The following TECRL variants were observed in gnomAD, a reference collection of about 807,000 sequenced individuals.
The protein encoded by TECRL is trans-2,3-enoyl-CoA reductase like, also known as trans-2,3-enoyl-CoA reductase-like.
Under a neutral mutation model 52.8 loss-of-function variants are expected in TECRL, and 63 were observed. The ratio of observed to expected loss-of-function variants is 1.19; its 90% CI spans 0.97 to 1.47. The LOEUF (loss-of-function observed/expected upper bound fraction) is 1.47. Among genes scored for constraint, TECRL ranks in the 40% most tolerant of loss-of-function variants. The pLI is 0.00. For synonymous variants in TECRL, 164 were observed against 141.9 expected (o/e 1.16, Z -1.10); for missense variants, 482 against 429.6 (o/e 1.12, Z -1.08).
At position 64,375,188 on chromosome 4, in the gene TECRL, T is replaced by C. The variant is rs1392150189; in HGVS notation, c.270A>G (p.Gln90=). 1 of 1,399,720 alleles carries C rather than the reference T, an allele frequency of 7.1e-7. No homozygotes were observed. The highest frequency in any genetic ancestry group is 1.5e-5 in the African/African-American group (1 of 65,348). 86.7% of individuals were successfully genotyped at this position (1,399,720 alleles called of 1,614,324 possible). Residue 90 remains glutamine, a synonymous_variant, in exon 2 of 12, where the codon CAA becomes CAG. Coordinates refer to ENST00000381210, the MANE Select transcript of TECRL (RefSeq NM_001010874.5). ...TQSSTIHDVK[Q]KFHKACPKWY... ...AAAACTTACATGCTTTGTGAAACTT[T>C]TGCTTAACATCATGAATAGTAGATG...
At chr4:64,302,933 A>G (rs775230631) in intron 7 of TECRL, among the ~76,000 whole-genome samples, 13 of 151,294 alleles carry the variant, frequency 8.6e-5, no homozygotes, top group Non-Finnish European at 1.3e-4. Context: ...CTGTTAAAAT[A>G]ATTTAGGAAG....
At position 64,409,242 on chromosome 4, in the gene TECRL, G is replaced by A. The variant is rs1461388254; in HGVS notation, c.110C>T (p.Ser37Leu). 1.3e-6 allele frequency: 2 copies of A among 1,533,400 alleles called. No individual in the cohort carries two copies. The highest frequency in any genetic ancestry group is 2.6e-5 in the East Asian group (1 of 39,010). 95.0% of individuals were successfully genotyped at this position (1,533,400 alleles called of 1,614,324 possible). A position where few individuals can be genotyped will look rare whatever the true frequency, so the allele number is the denominator to read the frequency against. Reference protein sequence around the residue: ...KDDMRNFHFLSKLVLSAGPLR... With the variant: ...KDDMRNFHFLLKLVLSAGPLR... ...AGGGCCCGCTGAGAGTACAAGTTTT[G>A]ACAAAAAGTGAAAATTTCTCATATC... is the stretch of plus-strand genomic sequence containing the variant. The change falls in exon 1 of 12, where the codon TCA (serine) becomes TTA (leucine). Residue 37 changes from serine to leucine, a missense_variant. By Grantham distance (145) the Ser-to-Leu change is moderately radical. Transcript: ENST00000381210.
intron 2 of TECRL, among the ~76,000 whole-genome samples, chr4:64,333,669 A>G (rs562323089): frequency 6.6e-6 from 1 of 152,272 alleles, no homozygotes; most frequent in African/African-American, 2.4e-5. Context: ...AAACAAAATT[A>G]AGGAATAGGA....
intron 2 of TECRL, among the ~76,000 whole-genome samples, chr4:64,340,441 C>G (rs1719481497): frequency 6.6e-6 from 1 of 152,202 alleles, no homozygotes; most frequent in Non-Finnish European, 1.5e-5. Context: ...GCTCTCAGTG[C>G]CCACTCCAAT....
At chr4:64,348,510 C>T (rs77333981) in intron 2 of TECRL, among the ~76,000 whole-genome samples, 51 of 152,236 alleles carry the variant, frequency 3.4e-4, no homozygotes, top group African/African-American at 1.2e-3. Flanking sequence ...GTTATTTCAC[C>T]CTTTATTTTT....
intron 1 of TECRL, chr4:64,397,927 A>G (rs961566353): frequency 2.2e-5 from 3 of 138,168 alleles, no homozygotes; most frequent in African/African-American, 7.8e-5. Context: ...TGTATTTCTG[A>G]TAGTTTCAAG....
At chr4:64,366,961 T>C (rs1721640839) in intron 2 of TECRL, among the ~76,000 whole-genome samples, 1 of 152,050 alleles carries the variant, frequency 6.6e-6, no homozygotes, top group South Asian at 2.1e-4. Flanking sequence ...CTATTCACAA[T>C]AGCAAAGTTA....
At chr4:64,333,500 CA>C (rs1352459392) in intron 2 of TECRL, among the ~76,000 whole-genome samples, 1 of 152,002 alleles carries the variant, frequency 6.6e-6, no homozygotes, top group African/African-American at 2.4e-5. Context: ...TAATTCTATA[CA>C]AAAAAGCAGA....
rs1472386636 is a variant in TECRL at position 64,278,565 on chromosome 4, G to A, written c.*1507C>T. On this transcript the variant is annotated 3_prime_UTR_variant, in exon 12 of 12. Transcript: ENST00000381210. The stretch of plus-strand genomic sequence containing the variant: ...TATAATTTATAGTGGTCAGATCAGA[G>A]AAATTAGAGTATCCATGGTTTCAAA... 2.5e-5 allele frequency: 4 copies of A among 159,150 alleles called. No homozygotes were observed. The highest frequency in any genetic ancestry group is 5.4e-5 in the Non-Finnish European group (4 of 74,496). The allele number at this position is 159,150 out of a possible 1,614,324, so 9.9% of individuals were successfully genotyped here.
At chr4:64,392,922 T>A (rs764359730) in intron 1 of TECRL, among the ~76,000 whole-genome samples, 1 of 151,966 alleles carries the variant, frequency 6.6e-6, no homozygotes, top group Non-Finnish European at 1.5e-5. Context: ...CTCTACATCA[T>A]GTAAATATGT....
At chr4:64,392,568 A>G (rs1262128531) in intron 1 of TECRL, among the ~76,000 whole-genome samples, 1 of 151,954 alleles carries the variant, frequency 6.6e-6, no homozygotes, top group Non-Finnish European at 1.5e-5. Flanking sequence ...TTGGGGAGAA[A>G]ACAATAATTT....
intron 3 of TECRL, among the ~76,000 whole-genome samples, chr4:64,327,319 T>C (rs1718332466): frequency 6.6e-6 from 1 of 152,122 alleles, no homozygotes; most frequent in Non-Finnish European, 1.5e-5. Flanking sequence ...AGAAAAGGAA[T>C]ATGTCATATT....
At chr4:64,339,428 A>G (rs1212230796) in intron 2 of TECRL, among the ~76,000 whole-genome samples, 1 of 151,694 alleles carries the variant, frequency 6.6e-6, no homozygotes, top group Non-Finnish European at 1.5e-5. Flanking sequence ...GTACCCTAGA[A>G]CTTAAAGTAT....
chr4:64,343,738 G>A (rs1689662602), intron 2 of TECRL, among the ~76,000 whole-genome samples: 1 of 151,972 alleles, frequency 6.6e-6, no homozygotes, highest in African/African-American at 2.4e-5. Context: ...TCAACAGTTA[G>A]GTTTCTACTC....
At chr4:64,277,011 T>C, downstream of TECRL, 1 of 1,493,808 alleles carries the variant, frequency 6.7e-7, no homozygotes, top group South Asian at 1.3e-5. Context: ...GGTGTAAATT[T>C]GTCAGGCTTT....
In TECRL at chr4:64,300,036, A is replaced by G. The variant is rs2109973640; in HGVS notation, c.731-19T>C. On this transcript the variant is annotated intron_variant, in intron 7 of 11. Transcript: ENST00000381210. ...CCAAATGCTGGAGAGTAGAAAAAGA[A>G]TATGTCATGCAGATACTCATAGTTT... The G allele has an allele frequency of 6.4e-7, 1 of 1,562,682 alleles. No homozygotes were observed. The highest frequency in any genetic ancestry group is 8.7e-7 in the Non-Finnish European group (1 of 1,150,140).
chr4:64,290,221 G>A (rs565100271), intron 8 of TECRL, among the ~76,000 whole-genome samples: 16 of 152,262 alleles, frequency 1.1e-4, no homozygotes, highest in African/African-American at 3.4e-4. Context: ...CCTACTGTGA[G>A]CAGTGCTGCC....
At chr4:64,366,742 C>T (rs1721622206) in intron 2 of TECRL, among the ~76,000 whole-genome samples, 1 of 152,038 alleles carries the variant, frequency 6.6e-6, no homozygotes, top group African/African-American at 2.4e-5. Context: ...TAAAAAGTCA[C>T]CATATAACAG....
intron 2 of TECRL, among the ~76,000 whole-genome samples, chr4:64,353,084 G>A: frequency 6.6e-6 from 1 of 152,092 alleles, no homozygotes; most frequent in East Asian, 1.9e-4. Context: ...CTAATGATGA[G>A]CCATAATAAT....
Sources: allele counts gnomAD v4.1 joint callset (sites outside exome capture counted in the v4.1 genomes callset), GRCh38; gene constraint gnomAD v4.1.1; transcripts MANE v1.5; gene names NCBI Gene and HGNC (gene_info 2026-07-23, HGNC 2026-07-21).